Variants in OPCML observed in about 807,000 individuals in gnomAD.
The protein encoded by OPCML is opioid binding protein/cell adhesion molecule like, also known as opioid-binding protein/cell adhesion molecule.
A neutral mutation model predicts 37.8 loss-of-function variants in OPCML; 13 were observed. That is an observed-to-expected ratio of 0.34 (90% CI 0.22 to 0.55). OPCML has a LOEUF of 0.55. OPCML is among the 20% of genes least tolerant of loss of function. OPCML has a pLI of 0.91. For synonymous variants in OPCML, 176 were observed against 168.8 expected (o/e 1.04, Z -0.33); for missense variants, 341 against 435.6 (o/e 0.78, Z 1.93).
intron 2 of OPCML, among the ~76,000 whole-genome samples, chr11:132,661,163 C>T (rs774913549): frequency 4.3e-4 from 66 of 152,196 alleles, no homozygotes; most frequent in Admixed American, 8.5e-4. Flanking sequence ...TAATCCTCTC[C>T]CTGGTGAGTA....
At chr11:133,283,640 C>T (rs868350622) in intron 1 of OPCML, among the ~76,000 whole-genome samples, 2 of 152,184 alleles carry the variant, frequency 1.3e-5, no homozygotes, top group African/African-American at 2.4e-5. Flanking sequence ...TCTAACTGTT[C>T]TTGGGGCCAG....
At chr11:133,216,103 C>G (rs1187785755) in intron 1 of OPCML, among the ~76,000 whole-genome samples, 2 of 152,110 alleles carry the variant, frequency 1.3e-5, no homozygotes, top group East Asian at 3.9e-4. Context: ...GCAAGGGGAC[C>G]TCAGAAAACA....
chr11:133,312,637 T>C (rs1192891878), intron 1 of OPCML, among the ~76,000 whole-genome samples: 1 of 152,208 alleles, frequency 6.6e-6, no homozygotes, highest in Non-Finnish European at 1.5e-5. Flanking sequence ...GTGTATTGTC[T>C]CAAGATTGAA....
At chr11:132,548,981 T>C (rs1204437226) in intron 3 of OPCML, among the ~76,000 whole-genome samples, 1 of 152,210 alleles carries the variant, frequency 6.6e-6, no homozygotes, top group Non-Finnish European at 1.5e-5. Flanking sequence ...GTCAGAAGAT[T>C]GGAACCAGAG....
intron 3 of OPCML, among the ~76,000 whole-genome samples, chr11:132,568,200 A>C (rs1424475786): frequency 3.9e-5 from 6 of 152,224 alleles, no homozygotes; most frequent in African/African-American, 1.4e-4. Context: ...TAATTTCATC[A>C]CCAGAAGCTT....
chr11:133,364,785 T>C (rs1214420048), intron 1 of OPCML, among the ~76,000 whole-genome samples: 1 of 152,118 alleles, frequency 6.6e-6, no homozygotes, highest in Non-Finnish European at 1.5e-5. Flanking sequence ...TCAAAATGAA[T>C]ATATTTTTTA....
At chr11:133,327,576 C>G (rs1399651839) in intron 1 of OPCML, among the ~76,000 whole-genome samples, 2 of 152,100 alleles carry the variant, frequency 1.3e-5, no homozygotes, top group African/African-American at 4.8e-5. Context: ...CTGCCCATCT[C>G]TTTAGTTTAT....
chr11:133,418,446 A>G lies in OPCML; in HGVS notation c.61+113818T>C, dbSNP rs139902995. On this transcript the variant is annotated intron_variant, in intron 1 of 7. Transcript: ENST00000524381. ...ACTGAGGAAGAGGGAGTCTTAAATG[A>G]CTTTGGTGTTTCTAGTATCTGTGGT... 4.6e-4 allele frequency: 454 copies of G among 985,384 alleles called. 3 individuals carry two copies. In the African/African-American group the frequency reaches 7.3e-3, roughly 16 times the overall value. 61.0% of individuals were successfully genotyped at this position (985,384 alleles called of 1,614,324 possible).
intron 1 of OPCML, among the ~76,000 whole-genome samples, chr11:133,113,113 G>T (rs1189256713): frequency 6.6e-6 from 1 of 152,144 alleles, no homozygotes; most frequent in Non-Finnish European, 1.5e-5. Flanking sequence ...GACAGTGCTG[G>T]GTCTGTTCCT....
At chr11:133,219,646 C>A (rs957321732) in intron 1 of OPCML, among the ~76,000 whole-genome samples, 15 of 152,282 alleles carry the variant, frequency 9.9e-5, no homozygotes, top group Middle Eastern at 3.4e-3. Context: ...AGCCTCCAGG[C>A]GCTGCTGCTG....
chr11:133,292,439 G>A (rs770641487), intron 1 of OPCML, among the ~76,000 whole-genome samples: 2 of 152,094 alleles, frequency 1.3e-5, no homozygotes, highest in Admixed American at 6.5e-5. Context: ...GCTATGCGGC[G>A]ATCCCTTCAA....
chr11:133,378,147 T>G (rs1383667698), intron 1 of OPCML, among the ~76,000 whole-genome samples: 1 of 152,212 alleles, frequency 6.6e-6, no homozygotes, highest in Non-Finnish European at 1.5e-5. Context: ...TTTTCCAAAT[T>G]AAGTATCTCC....
chr11:133,107,749 T>C (rs148720750), intron 1 of OPCML, among the ~76,000 whole-genome samples: 1 of 152,378 alleles, frequency 6.6e-6, no homozygotes, highest in African/African-American at 2.4e-5. Flanking sequence ...CATGAAAAGA[T>C]ACTATTACAG....
chr11:133,113,989 A>T (rs1266725266), intron 1 of OPCML, among the ~76,000 whole-genome samples: 1 of 152,246 alleles, frequency 6.6e-6, no homozygotes, highest in African/African-American at 2.4e-5. Flanking sequence ...GGAAGACGCT[A>T]TGATTACGCT....
chr11:133,377,736 C>T (rs1333133862), intron 1 of OPCML, among the ~76,000 whole-genome samples: 1 of 152,052 alleles, frequency 6.6e-6, no homozygotes, highest in East Asian at 1.9e-4. Flanking sequence ...CCACAGTCAC[C>T]TCAGGAACAC....
chr11:132,753,504 A>C (rs964524793), intron 2 of OPCML, among the ~76,000 whole-genome samples: 1 of 152,210 alleles, frequency 6.6e-6, no homozygotes, highest in African/African-American at 2.4e-5. Context: ...ACATACCTAC[A>C]TACATACATA....
At chr11:132,613,605 A>G (rs1351275994) in intron 3 of OPCML, among the ~76,000 whole-genome samples, 3 of 152,196 alleles carry the variant, frequency 2.0e-5, no homozygotes, top group Non-Finnish European at 4.4e-5. Context: ...CATTCCTTGT[A>G]TGACTAATCT....
At chr11:132,955,174 T>C (rs2136706414) in intron 1 of OPCML, among the ~76,000 whole-genome samples, 1 of 150,948 alleles carries the variant, frequency 6.6e-6, no homozygotes, top group East Asian at 2.0e-4. Flanking sequence ...CTGGGGGAGG[T>C]TGGCACGGTT....
At chr11:133,493,427 C>CA (rs1429523664) in intron 1 of OPCML, among the ~76,000 whole-genome samples, 1 of 152,232 alleles carries the variant, frequency 6.6e-6, no homozygotes, top group Non-Finnish European at 1.5e-5. Flanking sequence ...CACATGGGTG[C>CA]ATAGCCTTCC....
Sources: allele counts gnomAD v4.1 joint callset (sites outside exome capture counted in the v4.1 genomes callset), GRCh38; gene constraint gnomAD v4.1.1; transcripts MANE v1.5; gene names NCBI Gene and HGNC (gene_info 2026-07-23, HGNC 2026-07-21).